ZNF532: variants seen among roughly 807,000 people sequenced by gnomAD.
ZNF532 encodes zinc finger protein 532.
Under a neutral mutation model 89.3 loss-of-function variants are expected in ZNF532, and 22 were observed. The ratio of observed to expected loss-of-function variants is 0.25; its 90% CI spans 0.18 to 0.35. The LOEUF (loss-of-function observed/expected upper bound fraction) is 0.35, where lower values mean the gene tolerates loss of function less well. Ranked by LOEUF, ZNF532 falls within the 10% of genes least tolerant of loss-of-function variation. The probability of loss-of-function intolerance (pLI) is 1.00; values close to 1 mark genes in which losing one functional copy is unlikely to be tolerated. For synonymous variants in ZNF532, 606 were observed against 649.6 expected, an observed-to-expected ratio of 0.93 and a Z score of 1.02; for missense variants, 1,132 against 1,643.4, an observed-to-expected ratio of 0.69 and a Z score of 5.38.
At chr18:58,966,136 C>T (rs1043002969) in intron 7 of ZNF532, among the ~76,000 whole-genome samples, 2 of 152,084 alleles carry the variant, frequency 1.3e-5, no homozygotes, top group Non-Finnish European at 2.9e-5. Flanking sequence ...CCTACCCTCT[C>T]TCTTCTCCTT....
chr18:58,918,999 A>G lies in ZNF532; in HGVS notation c.712A>G (p.Arg238Gly). The change falls in exon 3 of 10, where the codon AGA becomes GGA. Residue 238 changes from arginine (R) to glycine (G), a missense_variant. Arg to Gly is a moderately radical substitution (Grantham distance 125). This residue lies in a region of ZNF532 where 302 missense variants were observed against 319.8 expected (regional missense o/e 0.94). Transcript: ENST00000591808. ...AAGCTCTGACAAGGTGCTGGAAAAC[A>G]GAGTCCTAGATGGGAAGCTGAGCTC... is the stretch of plus-strand genomic sequence containing the variant. ...KESSDKVLEN[R>G]VLDGKLSSEK... 1.9e-6 allele frequency: 3 copies of G among 1,613,546 alleles called. No homozygotes were observed. The highest frequency in any genetic ancestry group is 1.3e-5 in the African/African-American group (1 of 75,066).
Position 58,897,493 on chromosome 18 carries a change from C to T in ZNF532, c.-17-20778C>T, listed in dbSNP as rs896403057. ...ACAAATAATAGAATTTGCTGTATTT[C>T]ACTGTAAACAGTTTTGAGAATGCAC... is the stretch of plus-strand genomic sequence containing the variant. On this transcript the variant is annotated intron_variant, in intron 2 of 9. Coordinates refer to ENST00000591808, the MANE Select transcript of ZNF532 (RefSeq NM_001375912.1). Among the ~76,000 whole-genome samples the T allele has an allele frequency of 2.0e-5, 3 of 152,166 alleles. No individual in the cohort carries two copies. In the East Asian group the frequency reaches 5.8e-4, roughly 29 times the overall value.
rs1192066211 is a variant in ZNF532 at position 58,920,481 on chromosome 18, T to A, written c.2194T>A (p.Ser732Thr). ...AACTGGGACAGTCATATCGGCTCCT[T>A]CAAGCACTCCCATCACCCCAGCCAT... ...GITGTVISAP[S>T]STPITPAMPL... Residue 732 changes from serine (S) to threonine (T), a missense_variant, in exon 3 of 10, where the codon TCA becomes ACA. By Grantham distance (58) the Ser-to-Thr change is moderately conservative. Around this residue, in one of 9 missense-constraint regions of ZNF532, gnomAD observed 100 missense variants for 122.0 expected, o/e 0.82. Transcript: ENST00000591808. 1 of 1,613,822 alleles carries A rather than the reference T, an allele frequency of 6.2e-7. No individual in the cohort carries two copies. The highest frequency in any genetic ancestry group is 2.2e-5 in the East Asian group (1 of 44,894).
At chr18:58,954,822 C>T (rs937028100) in intron 7 of ZNF532, among the ~76,000 whole-genome samples, 7 of 151,210 alleles carry the variant, frequency 4.6e-5, no homozygotes, top group East Asian at 1.9e-4. Flanking sequence ...AAGCAATTCT[C>T]ATGCGTCAGT....
At chr18:58,914,859 A>G (rs772167183) in intron 2 of ZNF532, among the ~76,000 whole-genome samples, 1 of 152,206 alleles carries the variant, frequency 6.6e-6, no homozygotes, top group Non-Finnish European at 1.5e-5. Context: ...AAAAGAGAGG[A>G]CTGAGATTTA....
chr18:58,876,425 A>T (rs2057437145), intron 2 of ZNF532, among the ~76,000 whole-genome samples: 1 of 152,032 alleles, frequency 6.6e-6, no homozygotes, highest in Non-Finnish European at 1.5e-5. Flanking sequence ...AAGCGATAAG[A>T]TTCTCCAGGC....
At chr18:58,913,027 T>C (rs191761674) in intron 2 of ZNF532, among the ~76,000 whole-genome samples, 20 of 152,270 alleles carry the variant, frequency 1.3e-4, no homozygotes, top group Non-Finnish European at 1.9e-4. Context: ...CGATTTGGTG[T>C]TTGGAATGGA....
At chr18:58,948,285 TA>T (rs1172197335) in intron 6 of ZNF532, 56 bp downstream of exon 6, 15 of 1,532,642 alleles carry the variant, frequency 9.8e-6, no homozygotes, top group Non-Finnish European at 1.3e-5. Flanking sequence ...TCATTGGTCA[TA>T]AATCAAGGCT....
chr18:58,966,728 A>ATT (rs1326409521), intron 7 of ZNF532, among the ~76,000 whole-genome samples: 9 of 136,374 alleles, frequency 6.6e-5, no homozygotes, highest in African/African-American at 1.2e-4. Context: ...CAGAAAAGGC[A>ATT]TTTTTTTGTG....
At chr18:58,911,168 C>T (rs922812214) in intron 2 of ZNF532, among the ~76,000 whole-genome samples, 3 of 152,218 alleles carry the variant, frequency 2.0e-5, no homozygotes, top group Admixed American at 6.5e-5. Context: ...GGCAAGAGGA[C>T]AGAGCACCAA....
chr18:58,923,297 C>T (rs1344921534), intron 3 of ZNF532, among the ~76,000 whole-genome samples: 1 of 151,284 alleles, frequency 6.6e-6, no homozygotes, highest in Non-Finnish European at 1.5e-5. Context: ...ACGCTCTCCT[C>T]CTGTTCCTCG....
intron 2 of ZNF532, among the ~76,000 whole-genome samples, chr18:58,870,019 A>G (rs1359612740): frequency 2.7e-5 from 4 of 148,086 alleles, no homozygotes; most frequent in Admixed American, 1.4e-4. Context: ...GCCCGCCTCA[A>G]CCTCCCAGAG....
intron 7 of ZNF532, among the ~76,000 whole-genome samples, chr18:58,967,873 A>G (rs542316764): frequency 8.5e-5 from 13 of 152,234 alleles, no homozygotes; most frequent in Non-Finnish European, 1.8e-4. Context: ...GCCGAAAGGG[A>G]GTGGTTCAGT....
chr18:58,963,604 TGTGTG>T (rs2065585812), intron 7 of ZNF532, among the ~76,000 whole-genome samples: 1 of 6,140 alleles, frequency 1.6e-4, no homozygotes, highest in Non-Finnish European at 2.5e-4. Flanking sequence ...AAGAAAAAAA[TGTGTG>T]TGTGTGTGTG....
At chr18:58,933,549 A>G (rs1316026946) in intron 3 of ZNF532, among the ~76,000 whole-genome samples, 1 of 152,224 alleles carries the variant, frequency 6.6e-6, no homozygotes, top group East Asian at 1.9e-4. Context: ...CGAATGTCTG[A>G]AAGTATTTAA....
intron 2 of ZNF532, among the ~76,000 whole-genome samples, chr18:58,872,302 G>A (rs2057050422): frequency 6.6e-6 from 1 of 152,176 alleles, no homozygotes; most frequent in African/African-American, 2.4e-5. Flanking sequence ...TAAAATCAGG[G>A]TGTTGTGGTT....
At chr18:58,891,439 A>G (rs2058897856) in intron 2 of ZNF532, among the ~76,000 whole-genome samples, 1 of 152,228 alleles carries the variant, frequency 6.6e-6, no homozygotes, top group African/African-American at 2.4e-5. Context: ...CTGAGGCATG[A>G]GAATCACCTG....
At chr18:58,882,607 AATT>A (rs1213394920) in intron 2 of ZNF532, among the ~76,000 whole-genome samples, 1 of 152,012 alleles carries the variant, frequency 6.6e-6, no homozygotes, top group Non-Finnish European at 1.5e-5. Context: ...ATTCCTGGCT[AATT>A]ATTATTTTTA....
At chr18:58,933,167 T>A (rs562520190) in intron 3 of ZNF532, among the ~76,000 whole-genome samples, 2 of 152,288 alleles carry the variant, frequency 1.3e-5, no homozygotes, top group African/African-American at 4.8e-5. Flanking sequence ...AAATATGTGT[T>A]ATGAGAAAAG....
Sources: gnomAD v4.1 joint callset for allele counts (sites outside exome capture counted in the v4.1 genomes callset) on GRCh38, gnomAD v4.1.1 for gene constraint, gnomAD v4.1.1 regional missense constraint, MANE v1.5 for transcripts, NCBI Gene and HGNC (gene_info 2026-07-23, HGNC 2026-07-21) for gene names.